NAPEPLD: variants seen among roughly 807,000 people sequenced by gnomAD.
NAPEPLD encodes the protein N-acyl-phosphatidylethanolamine-hydrolyzing phospholipase D.
Under a neutral mutation model 38.1 loss-of-function variants are expected in NAPEPLD, and 23 were observed. That is an observed-to-expected ratio of 0.60 (90% CI 0.43 to 0.86). The LOEUF (loss-of-function observed/expected upper bound fraction) is 0.86. Ranked by LOEUF, NAPEPLD falls within the 40% of genes least tolerant of loss-of-function variation. NAPEPLD has a pLI of 0.00. For synonymous variants in NAPEPLD, 147 were observed against 162.0 expected, an observed-to-expected ratio of 0.91 and a Z score of 0.71; for missense variants, 411 against 476.8, an observed-to-expected ratio of 0.86 and a Z score of 1.28.
chr7:103,117,568 G>A (rs1004575398), intron 3 of NAPEPLD, among the ~76,000 whole-genome samples: 1 of 152,038 alleles, frequency 6.6e-6, no homozygotes, highest in Admixed American at 6.6e-5. Flanking sequence ...AGTTGTTTTC[G>A]GTCTAAACAT....
At chr7:103,125,421 T>C (rs1018031367) in intron 2 of NAPEPLD, among the ~76,000 whole-genome samples, 1 of 152,220 alleles carries the variant, frequency 6.6e-6, no homozygotes, top group Non-Finnish European at 1.5e-5. Context: ...CATCATTATA[T>C]CAACATGCAG....
rs1795098628 is a variant in NAPEPLD at position 103,103,211 on chromosome 7, A to T, written c.*218T>A. 5.6e-6 allele frequency: 2 copies of T among 359,376 alleles called. No homozygotes were observed. The highest frequency in any genetic ancestry group is 9.9e-6 in the Non-Finnish European group (2 of 202,320). The allele number at this position is 359,376 out of a possible 1,614,324, so 22.3% of individuals were successfully genotyped here. A position where few individuals can be genotyped will look rare whatever the true frequency, so the allele number is the denominator to read the frequency against. ...ATGAAATTTAAAATCCACATTAGCC[A>T]ATTCATTATTTAAATGACCCACCCC... is the stretch of plus-strand genomic sequence containing the variant. On this transcript the variant is annotated 3_prime_UTR_variant, in exon 5 of 5. Transcript: ENST00000465647.
In NAPEPLD at chr7:103,101,388, A is replaced by C. The variant is rs565073481; in HGVS notation, c.*2041T>G. The C allele has an allele frequency of 1.3e-5, 2 of 152,272 alleles. No homozygotes were observed. Among genetic ancestry groups the C allele is most frequent in the African/African-American group, 4.8e-5 (2 of 41,542 alleles). The allele number at this position is 152,272 out of a possible 1,614,324, so 9.4% of individuals were successfully genotyped here. ...TTCGCATCTTTGTAGATAAACACTA[A>C]ATTTTGATAAAGATTATTTACACTT... is the stretch of plus-strand genomic sequence containing the variant. On this transcript the variant is annotated 3_prime_UTR_variant, in exon 5 of 5. Transcript: ENST00000465647.
chr7:103,115,714 G>A (rs1805433662), intron 3 of NAPEPLD, among the ~76,000 whole-genome samples: 2 of 152,184 alleles, frequency 1.3e-5, no homozygotes, highest in African/African-American at 4.8e-5. Flanking sequence ...AAACGATACT[G>A]CTCCTTGAGG....
At chr7:103,129,401 G>T in intron 1 of NAPEPLD, 2 of 763,454 alleles carry the variant, frequency 2.6e-6, no homozygotes, top group Non-Finnish European at 3.2e-6. Flanking sequence ...GACATTCTGT[G>T]GAATAAATTA....
intron 1 of NAPEPLD, among the ~76,000 whole-genome samples, chr7:103,136,411 A>T (rs1242909922): frequency 3.4e-4 from 2 of 5,948 alleles, no homozygotes; most frequent in Non-Finnish European, 0.025. Flanking sequence ...GTCTCTACTA[A>T]AAAAAAAAAA....
intron 1 of NAPEPLD, among the ~76,000 whole-genome samples, chr7:103,129,761 T>C (rs1055643707): frequency 6.6e-6 from 1 of 152,228 alleles, no homozygotes; most frequent in African/African-American, 2.4e-5. Flanking sequence ...CCACCCTCTC[T>C]GTACCCTGAT....
intron 4 of NAPEPLD, among the ~76,000 whole-genome samples, chr7:103,108,291 C>T (rs542746854): frequency 5.9e-5 from 9 of 152,086 alleles, no homozygotes; most frequent in South Asian, 4.1e-4. Flanking sequence ...CACAGGCGTG[C>T]GCCACAACAC....
At chr7:103,145,936 G>T (rs1812457241) in intron 1 of NAPEPLD, among the ~76,000 whole-genome samples, 1 of 151,038 alleles carries the variant, frequency 6.6e-6, no homozygotes, top group Non-Finnish European at 1.5e-5. Flanking sequence ...GCTTTCATTG[G>T]CTACTTTTAC....
chr7:103,123,268 T>C (rs1350831856), intron 2 of NAPEPLD, among the ~76,000 whole-genome samples: 2 of 152,210 alleles, frequency 1.3e-5, no homozygotes, highest in African/African-American at 2.4e-5. Context: ...CCATGTCTTA[T>C]GAAAGGTGGA....
chr7:103,129,190 T>C, intron 1 of NAPEPLD: 1 of 442,264 alleles, frequency 2.3e-6, no homozygotes, highest in Non-Finnish European at 3.0e-6. Flanking sequence ...GCTTGAACCC[T>C]GGAGGTGGAG....
chr7:103,119,750 T>C lies in NAPEPLD; in HGVS notation c.768A>G (p.Lys256=), dbSNP rs1345024712. The change falls in exon 3 of 5, where the codon AAA becomes AAG. Residue 256 remains lysine, a synonymous_variant. Transcript: ENST00000465647. ...CCTTGTTGTCATCCATTAGAGTCCTTTTACACCAGTGCTGGGAAGGTGTAA... is the reference window on the plus strand; with the variant it reads ...CCTTGTTGTCATCCATTAGAGTCCTCTTACACCAGTGCTGGGAAGGTGTAA... ...FVFTPSQHWC[K]RTLMDDNKVL... 6.2e-7 allele frequency: 1 copy of C among 1,614,028 alleles called. No homozygotes were observed.
chr7:103,149,686 T>A (rs780538710), upstream of NAPEPLD: 182 of 268,462 alleles, frequency 6.8e-4, no homozygotes, highest in Non-Finnish European at 1.1e-3. Flanking sequence ...TCAAACACTC[T>A]GCAGGGACCC....
intron 2 of NAPEPLD, among the ~76,000 whole-genome samples, chr7:103,122,261 A>G (rs1200979912): frequency 6.6e-6 from 1 of 152,062 alleles, no homozygotes; most frequent in African/African-American, 2.4e-5. Context: ...TCACACGTGC[A>G]CACACACACG....
intron 1 of NAPEPLD, among the ~76,000 whole-genome samples, chr7:103,131,886 C>A (rs559968318): frequency 6.6e-6 from 1 of 151,996 alleles, no homozygotes; most frequent in Non-Finnish European, 1.5e-5. Context: ...GAGGCCGAGG[C>A]GAGTGGATCA....
intron 4 of NAPEPLD, among the ~76,000 whole-genome samples, chr7:103,108,151 T>C (rs1406236257): frequency 3.7e-5 from 2 of 54,632 alleles, no homozygotes; most frequent in Non-Finnish European, 1.1e-4. Flanking sequence ...TTTTTTTTTT[T>C]TTTTTTTTTG....
rs141537030 is a variant in NAPEPLD, at chr7:103,112,603, G to A, written c.1056+2457C>T. Among the ~76,000 whole-genome samples the A allele has an allele frequency of 7.6e-3, 1,159 of 152,170 alleles. 16 individuals are homozygous for A. The highest frequency in any genetic ancestry group is 0.027 in the African/African-American group (1,103 of 41,512). On this transcript the variant is annotated intron_variant, in intron 4 of 4. Coordinates refer to ENST00000465647, the MANE Select transcript of NAPEPLD (RefSeq NM_001122838.3). ...GAACATCACACATTGGGGCCTGTCA[G>A]GGGGTGGGGGGCTACGGGAGGGATA...
In NAPEPLD at chr7:103,148,904, T is replaced by G. The variant is rs142327974; in HGVS notation, c.-110A>C. 1 of 984,862 alleles carries G rather than the reference T, an allele frequency of 1.0e-6. No homozygotes were observed. The highest frequency in any genetic ancestry group is 1.1e-4 in the East Asian group (1 of 8,782). 61.0% of individuals were successfully genotyped at this position (984,862 alleles called of 1,614,324 possible). A position where few individuals can be genotyped will look rare whatever the true frequency, so the allele number is the denominator to read the frequency against. On this transcript the variant is annotated 5_prime_UTR_variant, in exon 1 of 5. Coordinates refer to ENST00000465647, the MANE Select transcript of NAPEPLD (RefSeq NM_001122838.3). ...GCTACTCTCCCAAAGAGAAAAAAAA[T>G]AATGCTGTGGCTCTTCACCGAGGCA...
rs143516299 is a variant in NAPEPLD at position 103,107,507 on chromosome 7, A to G, written c.1057-3953T>C. Among the ~76,000 whole-genome samples the G allele has an allele frequency of 1.1e-3, 171 of 152,266 alleles. 1 individual carries two copies. Among genetic ancestry groups the G allele is most frequent in the African/African-American group, 4.1e-3 (169 of 41,566 alleles). On this transcript the variant is annotated intron_variant, in intron 4 of 4. Transcript: ENST00000465647. The stretch of plus-strand genomic sequence containing the variant: ...GCAAGGAAGCTAAGAACCTTGAAAA[A>G]AGGTTAGACAAATTGCTAACTAGAA...
Sources: gnomAD v4.1 joint callset for allele counts (sites outside exome capture counted in the v4.1 genomes callset) on GRCh38, gnomAD v4.1.1 for gene constraint, MANE v1.5 for transcripts, NCBI Gene and HGNC (gene_info 2026-07-23, HGNC 2026-07-21) for gene names.